The following ARHGAP15 variants were observed in gnomAD, a reference collection of about 807,000 sequenced individuals.
ARHGAP15 encodes the protein Rho GTPase activating protein 15.
In ARHGAP15, 51 loss-of-function variants were observed where a neutral mutation model predicts 63.7. The ratio of observed to expected loss-of-function variants is 0.80; its 90% CI spans 0.64 to 1.01. The LOEUF is 1.01. ARHGAP15 is among the 50% of genes least tolerant of loss of function. ARHGAP15 has a pLI of 0.00. For synonymous variants in ARHGAP15, 191 were observed against 193.8 expected (o/e 0.99, Z 0.12); for missense variants, 560 against 564.6 (o/e 0.99, Z 0.08).
At chr2:143,618,559 G>T (rs565958819) in intron 11 of ARHGAP15, among the ~76,000 whole-genome samples, 147 of 152,254 alleles carry the variant, frequency 9.7e-4, no homozygotes, top group African/African-American at 3.5e-3. Context: ...TTTTAAAATT[G>T]CAACAATAAA....
intron 11 of ARHGAP15, chr2:143,593,183 A>C (rs1242066839): frequency 1.3e-5 from 2 of 152,228 alleles, no homozygotes; most frequent in African/African-American, 4.8e-5. Context: ...CTTCCCTAAA[A>C]TACAAGTCAC....
chr2:143,607,575 C>CAG (rs769720570), intron 11 of ARHGAP15: 9 of 123,002 alleles, frequency 7.3e-5, no homozygotes, highest in African/African-American at 1.7e-4. Flanking sequence ...GAGAGAGAGA[C>CAG]AGAGAGAGAG....
At chr2:143,427,121 A>G (rs1558964068) in intron 6 of ARHGAP15, among the ~76,000 whole-genome samples, 1 of 152,188 alleles carries the variant, frequency 6.6e-6, no homozygotes, top group Non-Finnish European at 1.5e-5. Flanking sequence ...GTAAGCAGAC[A>G]TGGAACAATT....
intron 12 of ARHGAP15, among the ~76,000 whole-genome samples, chr2:143,630,902 C>T (rs1699038935): frequency 2.0e-5 from 3 of 151,984 alleles, no homozygotes; most frequent in Non-Finnish European, 2.9e-5. Flanking sequence ...CAAATGTTTG[C>T]ACCACAACCA....
intron 8 of ARHGAP15, among the ~76,000 whole-genome samples, chr2:143,475,322 A>T (rs1215483760): frequency 6.6e-6 from 1 of 152,232 alleles, no homozygotes; most frequent in Non-Finnish European, 1.5e-5. Context: ...CGTAGACGAC[A>T]TACTGTGTCC....
chr2:143,625,130 AAAG>A (rs1181283931), intron 12 of ARHGAP15, among the ~76,000 whole-genome samples: 2 of 152,182 alleles, frequency 1.3e-5, no homozygotes, highest in African/African-American at 4.8e-5. Context: ...GAAGAAAAAG[AAAG>A]AAGAAAGAAA....
At chr2:143,199,361 T>TA (rs1458874925) in intron 2 of ARHGAP15, among the ~76,000 whole-genome samples, 1 of 152,158 alleles carries the variant, frequency 6.6e-6, no homozygotes, top group Admixed American at 6.6e-5. Flanking sequence ...CTCACTTATG[T>TA]AACAGTTAGA....
chr2:143,360,338 T>C (rs1268252689), intron 6 of ARHGAP15, among the ~76,000 whole-genome samples: 2 of 152,076 alleles, frequency 1.3e-5, no homozygotes, highest in Non-Finnish European at 2.9e-5. Flanking sequence ...TGAGCCGTGA[T>C]TGTGCCACTG....
intron 11 of ARHGAP15, among the ~76,000 whole-genome samples, chr2:143,576,446 C>T (rs1356077022): frequency 6.6e-6 from 1 of 151,978 alleles, no homozygotes; most frequent in Non-Finnish European, 1.5e-5. Flanking sequence ...ATGTATGGCA[C>T]AGATATTATT....
At chr2:143,198,825 A>G (rs909340915) in intron 2 of ARHGAP15, among the ~76,000 whole-genome samples, 2 of 152,176 alleles carry the variant, frequency 1.3e-5, no homozygotes, top group Non-Finnish European at 1.5e-5. Flanking sequence ...GGAGACATTT[A>G]CTTGCTACTT....
At chr2:143,153,873 T>TCCTCTTCCTCCTCCTCC (rs1689967986) in intron 1 of ARHGAP15, among the ~76,000 whole-genome samples, 3 of 46,848 alleles carry the variant, frequency 6.4e-5, no homozygotes, top group South Asian at 6.0e-4. Context: ...CCTCCTCCTC[T>TCCTCTTCCTCCTCCTCC]TCCTCCTCCT....
intron 1 of ARHGAP15, among the ~76,000 whole-genome samples, chr2:143,140,964 T>G (rs1689337080): frequency 6.6e-6 from 1 of 152,048 alleles, no homozygotes; most frequent in Admixed American, 6.6e-5. Flanking sequence ...GATTAGCAAG[T>G]GGGCAGTAGG....
At chr2:143,286,352 A>G (rs1682098977) in intron 6 of ARHGAP15, among the ~76,000 whole-genome samples, 1 of 152,222 alleles carries the variant, frequency 6.6e-6, no homozygotes, top group African/African-American at 2.4e-5. Flanking sequence ...GTTTCTGATC[A>G]GATCCGTTTT....
At chr2:143,758,013 T>C (rs1574933856) in intron 13 of ARHGAP15, among the ~76,000 whole-genome samples, 2 of 152,188 alleles carry the variant, frequency 1.3e-5, no homozygotes, top group East Asian at 3.9e-4. Flanking sequence ...TGCAAGGATT[T>C]CACTGTAGCA....
chr2:143,746,790 TAAGC>T (rs1302827667), intron 13 of ARHGAP15, among the ~76,000 whole-genome samples: 1 of 152,046 alleles, frequency 6.6e-6, no homozygotes, highest in Non-Finnish European at 1.5e-5. Context: ...AGAAAGCAAA[TAAGC>T]AAGTGATCAG....
intron 12 of ARHGAP15, chr2:143,676,520 T>A (rs1024686980): frequency 6.6e-6 from 1 of 152,036 alleles, no homozygotes; most frequent in African/African-American, 2.4e-5. Flanking sequence ...CACTTAGAGG[T>A]CATTGTAGGT....
chr2:143,220,371 G>C (rs935636701), intron 4 of ARHGAP15, among the ~76,000 whole-genome samples: 1 of 152,078 alleles, frequency 6.6e-6, no homozygotes, highest in Admixed American at 6.6e-5. Context: ...ACCAGGCCCA[G>C]CTATTATTTT....
chr2:143,685,711 A>G (rs773356618), intron 12 of ARHGAP15, among the ~76,000 whole-genome samples: 2 of 152,184 alleles, frequency 1.3e-5, no homozygotes, highest in Non-Finnish European at 2.9e-5. Flanking sequence ...AAGTGATACA[A>G]TCAGCCCAGG....
At chr2:143,358,239 G>A (rs1338974589) in intron 6 of ARHGAP15, among the ~76,000 whole-genome samples, 1 of 152,196 alleles carries the variant, frequency 6.6e-6, no homozygotes, top group East Asian at 1.9e-4. Context: ...CGGAGCCAAG[G>A]CAGGCTTTGG....
Sources: allele counts gnomAD v4.1 joint callset (sites outside exome capture counted in the v4.1 genomes callset), GRCh38; gene constraint gnomAD v4.1.1; transcripts MANE v1.5; gene names NCBI Gene and HGNC (gene_info 2026-07-23, HGNC 2026-07-21).